SIRT1: variants seen among roughly 807,000 people sequenced by gnomAD.
The protein encoded by SIRT1 is NAD-dependent protein deacetylase sirtuin-1.
SIRT1 carries 24 observed loss-of-function variants against 67.9 expected under a neutral mutation model. The observed-to-expected ratio is 0.35, with a 90% confidence interval of 0.26 to 0.50. SIRT1 has a LOEUF of 0.50. SIRT1 is among the 20% of genes least tolerant of loss of function. SIRT1 has a pLI of 0.98. For missense variants in SIRT1, 873 were observed against 937.2 expected (o/e 0.93, Z 0.89); for synonymous variants, 378 against 350.7 (o/e 1.08, Z -0.87).
Position 67,884,713 on chromosome 10 carries a change from A to G in SIRT1, c.-9A>G, listed in dbSNP as rs1842446651. The G allele has an allele frequency of 1.6e-6, 2 of 1,227,534 alleles. No individual in the cohort carries two copies. The highest frequency in any genetic ancestry group is 2.0e-6 in the Non-Finnish European group (2 of 985,296). 76.0% of individuals were successfully genotyped at this position (1,227,534 alleles called of 1,614,324 possible). A position where few individuals can be genotyped will look rare whatever the true frequency, so the allele number is the denominator to read the frequency against. On this transcript the variant is annotated 5_prime_UTR_variant, in exon 1 of 9. Transcript: ENST00000212015. Reference sequence around the variant, plus strand: ...GGCGAGGGAGGAGGGCCAGAGAGGCAGTTGGAAGATGGCGGACGAGGCGGC... The same window carrying G: ...GGCGAGGGAGGAGGGCCAGAGAGGCGGTTGGAAGATGGCGGACGAGGCGGC...
intron 2 of SIRT1, 112 bp from the exon 3 acceptor site, chr10:67,888,762 AATTGCATT>A (rs1842525405): frequency 9.3e-7 from 1 of 1,077,576 alleles, no homozygotes; most frequent in Admixed American, 2.4e-5. Context: ...AATACCATTA[AATTGCATT>A]TTCTTACTTT....
At chr10:67,916,114 A>G in intron 8 of SIRT1, 151 bp from the exon 9 acceptor site, 1 of 670,622 alleles carries the variant, frequency 1.5e-6, no homozygotes, top group Non-Finnish European at 2.4e-6. Flanking sequence ...CAGGCACACC[A>G]TGCCTCCCAG....
chr10:67,916,780 T>A lies in SIRT1; in HGVS notation c.*187T>A. ...TCATTATTTCTGTACTTGTACAAACTCAACACTAACTTTTTTTTTTTTAAA... is the reference window on the plus strand; with the variant it reads ...TCATTATTTCTGTACTTGTACAAACACAACACTAACTTTTTTTTTTTTAAA... On this transcript the variant is annotated 3_prime_UTR_variant, in exon 9 of 9. Coordinates refer to ENST00000212015, the MANE Select transcript of SIRT1 (RefSeq NM_012238.5). 12 of 377,866 alleles carry A rather than the reference T, an allele frequency of 3.2e-5. No individual in the cohort carries two copies. Among genetic ancestry groups the A allele is most frequent in the Admixed American group, 4.6e-5 (1 of 21,696 alleles). The allele number at this position is 377,866 out of a possible 1,614,324, so 23.4% of individuals were successfully genotyped here. A position where few individuals can be genotyped will look rare whatever the true frequency, so the allele number is the denominator to read the frequency against.
rs183410165 is a variant in SIRT1 at position 67,907,647 on chromosome 10, A to G, written c.1091-399A>G. Among the ~76,000 whole-genome samples, 3 of 152,304 alleles carry G rather than the reference A, an allele frequency of 2.0e-5. No individual in the cohort carries two copies. In the East Asian group the frequency reaches 5.8e-4, roughly 29 times the overall value. Reference sequence around the variant, plus strand: ...TCAGAAATGTTTAAAACAAGTATCAACAGGCCATTAGGTATCTAAAGTGTT... The same window carrying G: ...TCAGAAATGTTTAAAACAAGTATCAGCAGGCCATTAGGTATCTAAAGTGTT... On this transcript the variant is annotated intron_variant, in intron 5 of 8. Transcript: ENST00000212015.
At chr10:67,904,011 T>C (rs991596285) in intron 4 of SIRT1, among the ~76,000 whole-genome samples, 2 of 152,208 alleles carry the variant, frequency 1.3e-5, no homozygotes, top group African/African-American at 4.8e-5. Flanking sequence ...CTGTAAGTTG[T>C]ATCTCCAGTC....
chr10:67,900,807 T>C (rs985431323), intron 4 of SIRT1, among the ~76,000 whole-genome samples: 1 of 152,210 alleles, frequency 6.6e-6, no homozygotes, highest in African/African-American at 2.4e-5. Flanking sequence ...ATCCTTGAAT[T>C]ACCTCTTTGT....
chr10:67,913,204 A>G (rs1251174318), intron 8 of SIRT1, among the ~76,000 whole-genome samples, 173 bp downstream of exon 8: 2 of 152,198 alleles, frequency 1.3e-5, no homozygotes, highest in East Asian at 1.9e-4. Flanking sequence ...TTAACATGAT[A>G]TGGAGAAGGA....
At chr10:67,895,378 G>A (rs1050211306) in intron 4 of SIRT1, among the ~76,000 whole-genome samples, 11 of 152,050 alleles carry the variant, frequency 7.2e-5, no homozygotes, top group Non-Finnish European at 1.6e-4. Flanking sequence ...AGCCGAAAGC[G>A]CTTAAGGAGA....
At chr10:67,909,484 T>C (rs200736271) in intron 7 of SIRT1, 42 bp downstream of exon 7, 3 of 1,528,936 alleles carry the variant, frequency 2.0e-6, no homozygotes, top group South Asian at 2.5e-5. Context: ...CTATATATAA[T>C]GTCATGGGTT....
At chr10:67,913,929 T>C (rs1206468344) in intron 8 of SIRT1, among the ~76,000 whole-genome samples, 1 of 149,884 alleles carries the variant, frequency 6.7e-6, no homozygotes, top group Non-Finnish European at 1.5e-5. Context: ...TGGTAAGTTA[T>C]GGAGACACAG....
chr10:67,912,238 G>C (rs1420436662), intron 7 of SIRT1, among the ~76,000 whole-genome samples: 2 of 152,210 alleles, frequency 1.3e-5, no homozygotes, highest in East Asian at 3.9e-4. Flanking sequence ...TGGGAAGATT[G>C]CTCAGGGGTA....
In SIRT1 at chr10:67,916,720, T is replaced by G; in HGVS notation, c.*127T>G. The stretch of plus-strand genomic sequence containing the variant: ...GAAAGGTGTAATATTTATAGGTTGG[T>G]AAAATAGATTGTTTTTCATGGATAA... On this transcript the variant is annotated 3_prime_UTR_variant, in exon 9 of 9. Coordinates refer to ENST00000212015, the MANE Select transcript of SIRT1 (RefSeq NM_012238.5). 1 of 622,370 alleles carries G rather than the reference T, an allele frequency of 1.6e-6. No homozygotes were observed. The highest frequency in any genetic ancestry group is 2.5e-6 in the Non-Finnish European group (1 of 393,368). 38.6% of individuals were successfully genotyped at this position (622,370 alleles called of 1,614,324 possible).
At chr10:67,894,892 G>T (rs1256945831) in intron 4 of SIRT1, among the ~76,000 whole-genome samples, 2 of 152,036 alleles carry the variant, frequency 1.3e-5, no homozygotes, top group Admixed American at 6.6e-5. Flanking sequence ...TAGAGACGGG[G>T]TTTCACCATG....
At chr10:67,912,078 C>G (rs1001083872) in intron 7 of SIRT1, among the ~76,000 whole-genome samples, 3 of 152,028 alleles carry the variant, frequency 2.0e-5, no homozygotes, top group African/African-American at 7.3e-5. Flanking sequence ...TTCTTTATAT[C>G]AGGAGCTACT....
Position 67,885,067 on chromosome 10 carries a change from C to T in SIRT1, c.346C>T (p.Leu116=), listed in dbSNP as rs886702977. ...GCAGGGCCCATCTCGGGAGCCACCG[C>T]TGGCCGACAACTTGTACGACGAAGA... ...GLQGPSREPP[L]ADNLYDEDDD... is the part of the protein sequence containing the mutation. The change falls in exon 1 of 9, where the codon CTG becomes TTG. Residue 116 remains leucine (L), a synonymous_variant. Transcript: ENST00000212015. 7.0e-6 allele frequency: 10 copies of T among 1,437,292 alleles called. No homozygotes were observed. The African/African-American group carries it at 7.4e-5, about 11-fold the overall frequency. The allele number at this position is 1,437,292 out of a possible 1,614,324, so 89.0% of individuals were successfully genotyped here.
intron 4 of SIRT1, among the ~76,000 whole-genome samples, chr10:67,898,901 AACTT>A (rs986957411): frequency 6.6e-6 from 1 of 152,134 alleles, no homozygotes; most frequent in African/African-American, 2.4e-5. Flanking sequence ...TAATATAATA[AACTT>A]ACTTTCTGTG....
At chr10:67,914,295 C>T (rs1589086021) in intron 8 of SIRT1, among the ~76,000 whole-genome samples, 1 of 152,226 alleles carries the variant, frequency 6.6e-6, no homozygotes, top group East Asian at 1.9e-4. Flanking sequence ...TGGTCTCAAA[C>T]TCCTGACCCC....
intron 7 of SIRT1, among the ~76,000 whole-genome samples, chr10:67,910,908 T>C (rs1297560874): frequency 6.6e-6 from 1 of 151,920 alleles, no homozygotes. Flanking sequence ...AGAGGAAAAA[T>C]ATTAAATCCC....
At chr10:67,887,569 G>C (rs199757651) in intron 2 of SIRT1, 36 bp downstream of exon 2, 5 of 1,432,722 alleles carry the variant, frequency 3.5e-6, no homozygotes, top group Non-Finnish European at 4.9e-6. Context: ...GAGAGTAAAT[G>C]TACGGTTTTT....
Sources: allele counts gnomAD v4.1 joint callset (sites outside exome capture counted in the v4.1 genomes callset), GRCh38; gene constraint gnomAD v4.1.1; transcripts MANE v1.5; gene names NCBI Gene and HGNC (gene_info 2026-07-23, HGNC 2026-07-21).